The following FREM2 variants were observed in gnomAD, a reference collection of about 807,000 sequenced individuals.
FREM2 encodes FRAS1-related extracellular matrix protein 2.
In FREM2, 119 loss-of-function variants were observed where a neutral mutation model predicts 219.9. The ratio of observed to expected loss-of-function variants is 0.54; its 90% CI spans 0.47 to 0.63. The LOEUF is 0.63. Ranked by LOEUF, FREM2 falls within the 30% of genes least tolerant of loss-of-function variation. The probability of loss-of-function intolerance (pLI) is 0.00; values close to 1 mark genes in which losing one functional copy is unlikely to be tolerated. For missense variants in FREM2, 4,030 were observed against 3,993.6 expected (o/e 1.01, Z -0.25); for synonymous variants, 1,562 against 1,522.8 (o/e 1.03, Z -0.60).
chr13:38,851,831 G>A lies in FREM2; in HGVS notation c.6888G>A (p.Ser2296=), dbSNP rs762418505. 1.9e-5 allele frequency: 30 copies of A among 1,613,726 alleles called. No individual in the cohort carries two copies. The highest frequency in any genetic ancestry group is 6.7e-5 in the African/African-American group (5 of 74,868). Residue 2296 remains serine (S), a synonymous_variant, in exon 11 of 24, where the codon TCG becomes TCA. Coordinates refer to ENST00000280481, the MANE Select transcript of FREM2 (RefSeq NM_207361.6). ...TGAGAGTCCACACCAAGGATGGCTC[G>A]GCCACCTCTGGAGAAGACTACCACC... The part of the protein sequence containing the change: ...SIVRVHTKDG[S]ATSGEDYHPV...
chr13:38,767,759 C>A (rs1278597709), intron 3 of FREM2, among the ~76,000 whole-genome samples: 1 of 152,166 alleles, frequency 6.6e-6, no homozygotes, highest in Non-Finnish European at 1.5e-5. Context: ...AAGTCTACAG[C>A]ATTCAACAAG....
At chr13:38,860,082 G>A (rs1877707934) in intron 14 of FREM2, among the ~76,000 whole-genome samples, 1 of 152,098 alleles carries the variant, frequency 6.6e-6, no homozygotes, top group Admixed American at 6.6e-5. Context: ...AAATGGGGAA[G>A]CTTCTGAGAG....
intron 2 of FREM2, among the ~76,000 whole-genome samples, chr13:38,714,589 T>C (rs1870912686): frequency 6.6e-6 from 1 of 152,128 alleles, no homozygotes. Context: ...AGAGAGTGTA[T>C]GTAAGCTGTT....
chr13:38,857,976 T>G lies in FREM2; in HGVS notation c.7158T>G (p.Thr2386=). Residue 2386 remains threonine, a synonymous_variant, in exon 13 of 24, where the codon ACT becomes ACG. Transcript: ENST00000280481. ...QIVSLLMYDD[T]SKAKESAEPM... is the part of the protein sequence containing the mutation. ...TATCCCTGTTGATGTATGACGACAC[T>G]TCCAAAGCTAAGGAGAGTGCTGAAC... 1 of 1,614,056 alleles carries G rather than the reference T, an allele frequency of 6.2e-7. No homozygotes were observed. The highest frequency in any genetic ancestry group is 8.5e-7 in the Non-Finnish European group (1 of 1,179,890).
chr13:38,739,952 C>T (rs1481581921), intron 2 of FREM2, among the ~76,000 whole-genome samples: 1 of 152,190 alleles, frequency 6.6e-6, no homozygotes, highest in East Asian at 1.9e-4. Context: ...CTTCAGAGAA[C>T]AGCACTGCCT....
In FREM2 at chr13:38,690,111, C is replaced by T. The variant is rs1869754133; in HGVS notation, c.2767C>T (p.His923Tyr). The part of the protein sequence containing the change: ...SCSLEVSDRH[H>Y]VVPITLRVNV... Reference sequence around the variant, plus strand: ...CTCCTTGGAAGTCAGTGACAGACATCATGTGGTGCCCATCACTCTCAGAGT... The same window carrying T: ...CTCCTTGGAAGTCAGTGACAGACATTATGTGGTGCCCATCACTCTCAGAGT... Residue 923 changes from histidine (H) to tyrosine (Y), a missense_variant, in exon 1 of 24, where the codon CAT becomes TAT. Coordinates refer to ENST00000280481, the MANE Select transcript of FREM2 (RefSeq NM_207361.6). 6.2e-7 allele frequency: 1 copy of T among 1,614,026 alleles called. No homozygotes were observed. Among genetic ancestry groups the T allele is most frequent in the African/African-American group, 1.3e-5 (1 of 74,918 alleles).
chr13:38,860,740 A>T (rs1485583258), intron 14 of FREM2, among the ~76,000 whole-genome samples: 1 of 152,358 alleles, frequency 6.6e-6, no homozygotes, highest in Admixed American at 6.5e-5. Flanking sequence ...ATGTTCAAAT[A>T]GAAACCCCAC....
At chr13:38,818,459 C>T (rs1412001340) in intron 6 of FREM2, among the ~76,000 whole-genome samples, 1 of 151,860 alleles carries the variant, frequency 6.6e-6, no homozygotes, top group African/African-American at 2.4e-5. Context: ...CATGATGTCA[C>T]TCATATGTGG....
At chr13:38,719,370 A>G (rs554358595) in intron 2 of FREM2, among the ~76,000 whole-genome samples, 2 of 152,030 alleles carry the variant, frequency 1.3e-5, no homozygotes, top group South Asian at 2.1e-4. Flanking sequence ...ACAGGCATGC[A>G]CCACCATGCC....
intron 6 of FREM2, among the ~76,000 whole-genome samples, chr13:38,806,216 T>G (rs975480337): frequency 2.0e-5 from 3 of 151,874 alleles, no homozygotes; most frequent in African/African-American, 7.2e-5. Context: ...AATCCCAATT[T>G]CTAGCCCTTT....
chr13:38,718,953 C>T (rs1439447739), intron 2 of FREM2, among the ~76,000 whole-genome samples: 1 of 152,094 alleles, frequency 6.6e-6, no homozygotes, highest in African/African-American at 2.4e-5. Flanking sequence ...AATTAAATTT[C>T]TCAGAGTTAC....
chr13:38,706,957 TCTTG>T (rs1566111771), intron 2 of FREM2, among the ~76,000 whole-genome samples: 4 of 152,218 alleles, frequency 2.6e-5, no homozygotes, highest in Admixed American at 6.5e-5. Context: ...GTACTTTTGT[TCTTG>T]CTTCACAAAT....
At chr13:38,847,234 C>G (rs947670029) in intron 7 of FREM2, among the ~76,000 whole-genome samples, 1 of 152,078 alleles carries the variant, frequency 6.6e-6, no homozygotes, top group African/African-American at 2.4e-5. Flanking sequence ...CATTTTATTC[C>G]GGGATCCACA....
At position 38,691,037 on chromosome 13, in the gene FREM2, A is replaced by G. The variant is rs1408766736; in HGVS notation, c.3693A>G (p.Gln1231=). 3.7e-6 allele frequency: 6 copies of G among 1,613,996 alleles called. No homozygotes were observed. The South Asian group carries it at 4.4e-5, about 12-fold the overall frequency. Residue 1231 remains glutamine, a synonymous_variant, in exon 1 of 24, where the codon CAA becomes CAG. Coordinates refer to ENST00000280481, the MANE Select transcript of FREM2 (RefSeq NM_207361.6). ...ATGATTTAACTTTCACTATTACCCA[A>G]TTCCCCACTCATGGTCACATCATGA... is the stretch of plus-strand genomic sequence containing the variant. ...PLDDLTFTIT[Q]FPTHGHIMNQ...
chr13:38,798,221 A>G lies in FREM2; in HGVS notation c.6019+13413A>G, dbSNP rs113124339. Among the ~76,000 whole-genome samples the G allele has an allele frequency of 1.3e-5, 2 of 152,160 alleles. 1 individual carries two copies. Among genetic ancestry groups the G allele is most frequent in the African/African-American group, 4.8e-5 (2 of 41,528 alleles). Reference sequence around the variant, plus strand: ...TTTCTCAAATGCCTTTTCTGTGTCTATTGAGATGATTATATGGTTTATATC... The same window carrying G: ...TTTCTCAAATGCCTTTTCTGTGTCTGTTGAGATGATTATATGGTTTATATC... On this transcript the variant is annotated intron_variant, in intron 6 of 23. Coordinates refer to ENST00000280481, the MANE Select transcript of FREM2 (RefSeq NM_207361.6).
chr13:38,832,374 T>G (rs898087232), intron 6 of FREM2, among the ~76,000 whole-genome samples: 1 of 152,148 alleles, frequency 6.6e-6, no homozygotes, highest in African/African-American at 2.4e-5. Context: ...TTTTTTCTTC[T>G]TCGTTTTTCT....
rs59740053 is a variant in FREM2, at chr13:38,822,351, T to C, written c.6020-24222T>C. ...CAAGGAGCCCATTCTTTCTTTCTTT[T>C]TTTTTTTTTTTTTTTTTTTTAAGAA... On this transcript the variant is annotated intron_variant, in intron 6 of 23. Transcript: ENST00000280481. Among the ~76,000 whole-genome samples, 686 of 141,854 alleles carry C rather than the reference T, an allele frequency of 4.8e-3. 4 individuals are homozygous for C. The highest frequency in any genetic ancestry group is 0.019 in the African/African-American group (655 of 34,548). The allele number at this position is 141,854 out of a possible 152,430, so 93.1% of individuals were successfully genotyped here. A position where few individuals can be genotyped will look rare whatever the true frequency, so the allele number is the denominator to read the frequency against.
chr13:38,740,668 G>T (rs112497440), intron 2 of FREM2, among the ~76,000 whole-genome samples: 1,868 of 152,222 alleles, frequency 0.012, 49 homozygotes, highest in African/African-American at 0.043. Flanking sequence ...AGTGCTATTG[G>T]CCCTGTGGGC....
chr13:38,746,319 C>G (rs1446898727), intron 2 of FREM2, among the ~76,000 whole-genome samples: 3 of 152,134 alleles, frequency 2.0e-5, no homozygotes, highest in Non-Finnish European at 1.5e-5. Context: ...TGTCTTATGG[C>G]CTTTCCCAGT....
Sources: allele counts gnomAD v4.1 joint callset (sites outside exome capture counted in the v4.1 genomes callset), GRCh38; gene constraint gnomAD v4.1.1; transcripts MANE v1.5; gene names NCBI Gene and HGNC (gene_info 2026-07-23, HGNC 2026-07-21).